Variants in RAD51B observed in about 807,000 individuals in gnomAD.
RAD51B encodes the protein RAD51 paralog B.
Under a neutral mutation model 42.2 loss-of-function variants are expected in RAD51B, and 38 were observed. That is an observed-to-expected ratio of 0.90 (90% CI 0.70 to 1.18). The LOEUF (loss-of-function observed/expected upper bound fraction) is 1.18, where lower values mean the gene tolerates loss of function less well. Ranked by LOEUF, RAD51B falls within the 50% of genes most tolerant of loss-of-function variation. The pLI is 0.00. For missense variants in RAD51B, 373 were observed against 400.7 expected (o/e 0.93, Z 0.59); for synonymous variants, 154 against 145.2 (o/e 1.06, Z -0.43).
chr14:68,636,759 C>T (rs1892349289), intron 10 of RAD51B, among the ~76,000 whole-genome samples: 2 of 152,160 alleles, frequency 1.3e-5, no homozygotes, highest in Non-Finnish European at 2.9e-5. Context: ...AGCAGACATG[C>T]CCAGCGCCTC....
At chr14:68,497,213 G>T (rs2140292613) in intron 10 of RAD51B, 2 of 1,377,486 alleles carry the variant, frequency 1.5e-6, no homozygotes, top group Non-Finnish European at 1.9e-6. Flanking sequence ...ACAAAATATT[G>T]GGAAAGAGTC....
chr14:67,960,040 G>A (rs925160605), intron 7 of RAD51B, among the ~76,000 whole-genome samples: 6 of 151,782 alleles, frequency 4.0e-5, no homozygotes, highest in African/African-American at 1.2e-4. Flanking sequence ...AGCTGAGATC[G>A]CGCCACTGCG....
At chr14:67,891,978 G>A (rs547109068) in intron 7 of RAD51B, among the ~76,000 whole-genome samples, 1 of 152,312 alleles carries the variant, frequency 6.6e-6, no homozygotes, top group South Asian at 2.1e-4. Flanking sequence ...GACCCTTGAT[G>A]TAGACATAGA....
At chr14:68,235,266 A>G (rs1020467749) in intron 7 of RAD51B, among the ~76,000 whole-genome samples, 2 of 151,970 alleles carry the variant, frequency 1.3e-5, no homozygotes, top group South Asian at 2.1e-4. Flanking sequence ...GTGTCACTAC[A>G]TGATAGGAAT....
chr14:68,050,842 G>A (rs1566606901), intron 7 of RAD51B, among the ~76,000 whole-genome samples: 1 of 151,716 alleles, frequency 6.6e-6, no homozygotes, highest in Non-Finnish European at 1.5e-5. Flanking sequence ...AGTGTGTTTT[G>A]CCAAAATGGG....
At chr14:68,483,321 C>T (rs1390967085) in intron 10 of RAD51B, among the ~76,000 whole-genome samples, 2 of 152,188 alleles carry the variant, frequency 1.3e-5, no homozygotes, top group Non-Finnish European at 2.9e-5. Context: ...GATTACCTGG[C>T]ATACATCAAA....
At chr14:68,134,430 G>A (rs572253824) in intron 7 of RAD51B, among the ~76,000 whole-genome samples, 1 of 152,262 alleles carries the variant, frequency 6.6e-6, no homozygotes, top group South Asian at 2.1e-4. Context: ...ATTTCTATGA[G>A]AAAAGTTTTC....
At chr14:68,446,098 A>G (rs1170212400) in intron 9 of RAD51B, among the ~76,000 whole-genome samples, 1 of 152,198 alleles carries the variant, frequency 6.6e-6, no homozygotes, top group Non-Finnish European at 1.5e-5. Flanking sequence ...TGATAATAAC[A>G]TTATCGGCTG....
At position 68,484,458 on chromosome 14, in the gene RAD51B, C is replaced by T. The variant is rs576386927; in HGVS notation, c.1036+16208C>T. On this transcript the variant is annotated intron_variant, in intron 10 of 10. Coordinates refer to the RAD51B transcript ENST00000487270. ...CTGCAACCTCCGCCTTCCGGGTTCA[C>T]GCTATTCTCCTGCCTCAGCCTCCCG... Among the ~76,000 whole-genome samples the T allele has an allele frequency of 6.0e-5, 9 of 150,100 alleles. No homozygotes were observed. In the South Asian group the frequency reaches 1.0e-3, roughly 17 times the overall value.
chr14:68,173,688 T>C (rs528728136), intron 7 of RAD51B, among the ~76,000 whole-genome samples: 3 of 152,340 alleles, frequency 2.0e-5, no homozygotes, highest in African/African-American at 2.4e-5. Context: ...TGTTGTCATA[T>C]TGAAGCAGCA....
Position 68,549,352 on chromosome 14 carries a change from G to GCAGCTAACCACAAGAATGTTA in RAD51B, c.1037-45132_1037-45112dup, listed in dbSNP as rs753831239. On this transcript the variant is annotated intron_variant, in intron 10 of 10. Coordinates refer to the RAD51B transcript ENST00000487270. ...GAGTGGCTTGCACCAAATCATTGGT[G>GCAGCTAACCACAAGAATGTTA]CAGCTAACCACAAGAATGTTAGCTC... Among the ~76,000 whole-genome samples, 426 of 149,702 alleles carry GCAGCTAACCACAAGAATGTTA rather than the reference G, an allele frequency of 2.8e-3. 1 individual carries two copies. The highest frequency in any genetic ancestry group is 5.3e-3 in the Non-Finnish European group (357 of 67,564).
intron 3 of RAD51B, among the ~76,000 whole-genome samples, chr14:67,825,803 C>T (rs1287491890): frequency 6.6e-6 from 1 of 152,136 alleles, no homozygotes; most frequent in Non-Finnish European, 1.5e-5. Flanking sequence ...GATCTCGGCT[C>T]ACTGTAGCCT....
chr14:68,287,366 A>T (rs2081433010), intron 7 of RAD51B, among the ~76,000 whole-genome samples: 1 of 152,210 alleles, frequency 6.6e-6, no homozygotes, highest in Non-Finnish European at 1.5e-5. Context: ...GGGAGTAAGC[A>T]TTCTCTCATA....
intron 8 of RAD51B, among the ~76,000 whole-genome samples, chr14:68,327,409 TC>T (rs2082272023): frequency 6.6e-6 from 1 of 150,608 alleles, no homozygotes; most frequent in Non-Finnish European, 1.5e-5. Flanking sequence ...AAAGAGTTGT[TC>T]CATTTCCCCT....
At chr14:67,952,839 G>A (rs986397292) in intron 7 of RAD51B, among the ~76,000 whole-genome samples, 2 of 151,892 alleles carry the variant, frequency 1.3e-5, no homozygotes, top group Admixed American at 6.6e-5. Flanking sequence ...ACTCTTAGAG[G>A]ATTCTAAAAG....
Position 67,869,647 on chromosome 14 carries a change from A to G in RAD51B, c.452+4508A>G, listed in dbSNP as rs1224643901. ...GACACATAATTGTCAGATTCACCAA[A>G]GTTGAAATGAAGGAAAAAATGTTAA... On this transcript the variant is annotated intron_variant, in intron 5 of 10. Transcript: ENST00000471583. Among the ~76,000 whole-genome samples the G allele has an allele frequency of 2.6e-5, 4 of 152,140 alleles. No individual in the cohort carries two copies. In the East Asian group the frequency reaches 7.7e-4, roughly 29 times the overall value.
chr14:68,277,544 G>A (rs190909605), intron 7 of RAD51B, among the ~76,000 whole-genome samples: 78 of 152,128 alleles, frequency 5.1e-4, no homozygotes, highest in African/African-American at 1.7e-3. Flanking sequence ...TCTCTGATAC[G>A]GAAAGAGATA....
intron 10 of RAD51B, among the ~76,000 whole-genome samples, chr14:68,571,523 T>C (rs925756122): frequency 2.0e-5 from 3 of 152,220 alleles, no homozygotes; most frequent in African/African-American, 4.8e-5. Flanking sequence ...CCAATCATTC[T>C]TCCATTGCCA....
At chr14:68,522,795 G>A (rs902317972) in intron 10 of RAD51B, among the ~76,000 whole-genome samples, 1 of 152,138 alleles carries the variant, frequency 6.6e-6, no homozygotes, top group Non-Finnish European at 1.5e-5. Flanking sequence ...GTGGGAGAGG[G>A]TCAGAGGTCA....
Sources: allele counts gnomAD v4.1 joint callset (sites outside exome capture counted in the v4.1 genomes callset), GRCh38; gene constraint gnomAD v4.1.1; transcripts MANE v1.5; gene names NCBI Gene and HGNC (gene_info 2026-07-23, HGNC 2026-07-21).